Variants in CEP57L1 observed in about 807,000 individuals in gnomAD.
The protein encoded by CEP57L1 is centrosomal protein 57 like 1.
Under a neutral mutation model 61.0 loss-of-function variants are expected in CEP57L1, and 37 were observed. The ratio of observed to expected loss-of-function variants is 0.61; its 90% CI spans 0.47 to 0.80. The LOEUF (loss-of-function observed/expected upper bound fraction) is 0.80, where lower values mean the gene tolerates loss of function less well. Among genes scored for constraint, CEP57L1 ranks in the 30% least tolerant of loss-of-function variants. The pLI, the probability that CEP57L1 is intolerant of heterozygous loss-of-function variation, is 0.00. For missense variants in CEP57L1, 422 were observed against 524.7 expected (o/e 0.80, Z 1.91); for synonymous variants, 137 against 162.3 (o/e 0.84, Z 1.19).
In CEP57L1 at chr6:109,126,083, G is replaced by A. The variant is rs530809215; in HGVS notation, c.-3-19136G>A. 2.3e-3 allele frequency among the ~76,000 whole-genome samples: 357 copies of A among 152,218 alleles called. 1 individual carries two copies. The highest frequency in any genetic ancestry group is 8.2e-3 in the African/African-American group (341 of 41,532). On this transcript the variant is annotated intron_variant, in intron 1 of 10. Transcript: ENST00000517392. ...AAAAAGTTGTTGACCTAACAAATTA[G>A]TTTCAGAGGATTTATTTTTACAAAT...
At chr6:109,147,025 G>T (rs1312953108) in intron 3 of CEP57L1, 88 bp downstream of exon 3, 4 of 1,019,414 alleles carry the variant, frequency 3.9e-6, no homozygotes, top group South Asian at 3.3e-5. Context: ...GATGTACTCA[G>T]ATATCTTTAT....
rs1462586972 is a variant in CEP57L1, at chr6:109,170,198, T to G, written c.*7228T>G. Among the ~76,000 whole-genome samples, 2 of 152,134 alleles carry G rather than the reference T, an allele frequency of 1.3e-5. No individual in the cohort carries two copies. The highest frequency in any genetic ancestry group is 2.9e-5 in the Non-Finnish European group (2 of 68,006). On this transcript the variant is annotated 3_prime_UTR_variant, in exon 11 of 11. Transcript: ENST00000517392. ...TGGGATTCTACCCACTTGTAGAAGT[T>G]TATTCACCACTACAAATTACTAAAG... is the stretch of plus-strand genomic sequence containing the variant.
intron 1 of CEP57L1, among the ~76,000 whole-genome samples, chr6:109,102,118 G>A (rs114311847): frequency 2.6e-5 from 4 of 152,074 alleles, no homozygotes; most frequent in Non-Finnish European, 5.9e-5. Flanking sequence ...CTTTTCATAC[G>A]CCTATTTGCT....
In CEP57L1 at chr6:109,144,845, C is replaced by G. The variant is rs17603065; in HGVS notation, c.-3-374C>G. ...GGTTTGTGTTTAAAAGCTCAGTTAT[C>G]TTTTAGAATATGTACTTTCTCTTTA... On this transcript the variant is annotated intron_variant, in intron 1 of 10. Transcript: ENST00000517392. 8.3e-3 allele frequency among the ~76,000 whole-genome samples: 1,257 copies of G among 152,122 alleles called. 8 individuals carry two copies. The highest frequency in any genetic ancestry group is 0.014 in the Middle Eastern group (4 of 294).
chr6:109,108,998 A>G (rs772106000), intron 1 of CEP57L1, among the ~76,000 whole-genome samples: 5 of 152,168 alleles, frequency 3.3e-5, no homozygotes, highest in African/African-American at 4.8e-5. Flanking sequence ...TTAATAGGAG[A>G]GTCTCTTTCT....
intron 1 of CEP57L1, among the ~76,000 whole-genome samples, chr6:109,101,623 C>CT (rs1175348573): frequency 0.04 from 5,653 of 139,848 alleles, 154 homozygotes; most frequent in East Asian, 0.09. Context: ...TTTCTTTTTT[C>CT]TTTTTTTTTT....
Position 109,165,433 on chromosome 6 carries a change from T to C in CEP57L1, c.*2463T>C, listed in dbSNP as rs1211349405. Among the ~76,000 whole-genome samples, 2 of 150,708 alleles carry C rather than the reference T, an allele frequency of 1.3e-5. No individual in the cohort carries two copies. Among genetic ancestry groups the C allele is most frequent in the African/African-American group, 4.9e-5 (2 of 41,036 alleles). On this transcript the variant is annotated 3_prime_UTR_variant, in exon 11 of 11. Coordinates refer to ENST00000517392, the MANE Select transcript of CEP57L1 (RefSeq NM_001271852.3). ...GAGTGGCAAAAAAAAAAAAAAAATG[T>C]AGAACACATGTTTGCATGGGTTGAA...
intron 1 of CEP57L1, among the ~76,000 whole-genome samples, chr6:109,133,893 C>T (rs760336101): frequency 2.0e-5 from 3 of 152,214 alleles, no homozygotes; most frequent in Non-Finnish European, 2.9e-5. Flanking sequence ...AGACCAATAG[C>T]AGGCTCTGAA....
chr6:109,133,185 G>A (rs1423085394), intron 1 of CEP57L1, among the ~76,000 whole-genome samples: 1 of 152,008 alleles, frequency 6.6e-6, no homozygotes, highest in Non-Finnish European at 1.5e-5. Flanking sequence ...AATCTTATAT[G>A]TTAAGGCAGC....
At position 109,167,200 on chromosome 6, in the gene CEP57L1, TTTTTG is replaced by T. The variant is rs2114985823; in HGVS notation, c.*4235_*4239del. ...TCATGTAACTTTGTCTTTCAATTCG[TTTTTG>T]TTTTTTTTTTCCTGTAAGGAGAATT... On this transcript the variant is annotated 3_prime_UTR_variant, in exon 11 of 11. Transcript: ENST00000517392. 2.8e-4 allele frequency among the ~76,000 whole-genome samples: 1 copy of T among 3,624 alleles called. No homozygotes were observed. The highest frequency in any genetic ancestry group is 3.1e-4 in the African/African-American group (1 of 3,176). The allele number at this position is 3,624 out of a possible 152,430, so 2.4% of individuals were successfully genotyped here. A position where few individuals can be genotyped will look rare whatever the true frequency, so the allele number is the denominator to read the frequency against.
intron 1 of CEP57L1, among the ~76,000 whole-genome samples, chr6:109,131,447 G>A (rs2114764217): frequency 6.6e-6 from 1 of 152,168 alleles, no homozygotes; most frequent in Non-Finnish European, 1.5e-5. Context: ...AAACTTTACA[G>A]TATGGAATAC....
chr6:109,165,378 T>C lies in CEP57L1; in HGVS notation c.*2408T>C, dbSNP rs966776299. 6.6e-6 allele frequency among the ~76,000 whole-genome samples: 1 copy of C among 151,082 alleles called. No individual in the cohort carries two copies. The highest frequency in any genetic ancestry group is 2.1e-4 in the South Asian group (1 of 4,786). On this transcript the variant is annotated 3_prime_UTR_variant, in exon 11 of 11. Coordinates refer to ENST00000517392, the MANE Select transcript of CEP57L1 (RefSeq NM_001271852.3). ...CACCCAGCAGAAGAGTTGACACTTATTAAACACTCAATAAATATTTTTTGA... is the reference window on the plus strand; with the variant it reads ...CACCCAGCAGAAGAGTTGACACTTACTAAACACTCAATAAATATTTTTTGA...
chr6:109,120,109 A>C (rs1485506149), intron 1 of CEP57L1, among the ~76,000 whole-genome samples: 1 of 152,176 alleles, frequency 6.6e-6, no homozygotes, highest in East Asian at 1.9e-4. Context: ...TGTCTTAAAC[A>C]GGTAGTCATA....
At chr6:109,095,667 G>A in intron 1 of CEP57L1, 92 bp downstream of exon 1, 2 of 835,050 alleles carry the variant, frequency 2.4e-6, no homozygotes, top group Non-Finnish European at 2.9e-6. Flanking sequence ...GCCATCTAGG[G>A]TGGCCTCCCT....
At chr6:109,129,450 C>T (rs1773940580) in intron 1 of CEP57L1, 1 of 600,868 alleles carries the variant, frequency 1.7e-6, no homozygotes, top group South Asian at 1.5e-5. Context: ...TAATTTCTTC[C>T]TCAGAAAGAA....
chr6:109,173,275 T>C lies in CEP57L1; in HGVS notation c.*10305T>C, dbSNP rs1324544987. Among the ~76,000 whole-genome samples, 2 of 152,150 alleles carry C rather than the reference T, an allele frequency of 1.3e-5. No homozygotes were observed. The highest frequency in any genetic ancestry group is 4.8e-5 in the African/African-American group (2 of 41,452). On this transcript the variant is annotated 3_prime_UTR_variant, in exon 11 of 11. Transcript: ENST00000517392. ...TATTAATAATTTTTATTAATTTTTT[T>C]CCTGAATCCTAAAAGGTCAGTTGGA...
intron 7 of CEP57L1, chr6:109,158,451 T>C (rs773681515): frequency 2.9e-6 from 1 of 346,062 alleles, no homozygotes; most frequent in Non-Finnish European, 5.5e-6. Flanking sequence ...ATCATACCAC[T>C]GCACCCCAGT....
chr6:109,128,279 TAATTC>T (rs534786039), intron 1 of CEP57L1, among the ~76,000 whole-genome samples: 84 of 152,294 alleles, frequency 5.5e-4, no homozygotes, highest in Non-Finnish European at 1.0e-3. Flanking sequence ...ATATTTCCAT[TAATTC>T]ACCACTATCT....
At chr6:109,129,958 G>A (rs558504143) in intron 1 of CEP57L1, among the ~76,000 whole-genome samples, 216 of 151,864 alleles carry the variant, frequency 1.4e-3, no homozygotes, top group African/African-American at 4.9e-3. Context: ...AAAACTGTTC[G>A]TAATTTCAGA....
Sources: allele counts gnomAD v4.1 joint callset (sites outside exome capture counted in the v4.1 genomes callset), GRCh38; gene constraint gnomAD v4.1.1; transcripts MANE v1.5; gene names NCBI Gene and HGNC (gene_info 2026-07-23, HGNC 2026-07-21).